Variants in GRID2 observed in about 807,000 individuals in gnomAD.
GRID2 encodes glutamate ionotropic receptor delta type subunit 2.
Under a neutral mutation model 114.8 loss-of-function variants are expected in GRID2, and 33 were observed. That is an observed-to-expected ratio of 0.29 (90% CI 0.22 to 0.38). The LOEUF is 0.38. Ranked by LOEUF, GRID2 falls within the 10% of genes least tolerant of loss-of-function variation. The probability of loss-of-function intolerance (pLI) is 1.00; values close to 1 mark genes in which losing one functional copy is unlikely to be tolerated. For missense variants in GRID2, 1,184 were observed against 1,257.7 expected, an observed-to-expected ratio of 0.94 and a Z score of 0.89; for synonymous variants, 505 against 449.9, an observed-to-expected ratio of 1.12 and a Z score of -1.55.
At chr4:93,647,211 C>T (rs908935947) in intron 14 of GRID2, among the ~76,000 whole-genome samples, 3 of 152,094 alleles carry the variant, frequency 2.0e-5, no homozygotes, top group African/African-American at 7.2e-5. Context: ...AAAAGATAGG[C>T]ACCTTTTTAT....
At chr4:92,788,400 G>A (rs1049645372) in intron 2 of GRID2, among the ~76,000 whole-genome samples, 3 of 151,876 alleles carry the variant, frequency 2.0e-5, no homozygotes, top group African/African-American at 7.2e-5. Flanking sequence ...AAATGGGAAA[G>A]GGGAATATAG....
At chr4:93,331,912 C>T (rs1161696732) in intron 8 of GRID2, among the ~76,000 whole-genome samples, 1 of 152,000 alleles carries the variant, frequency 6.6e-6, no homozygotes, top group African/African-American at 2.4e-5. Context: ...TCTTTTCCCC[C>T]TAGCTATTAG....
intron 2 of GRID2, among the ~76,000 whole-genome samples, chr4:92,848,580 G>A (rs1050796758): frequency 6.6e-6 from 1 of 151,830 alleles, no homozygotes; most frequent in Non-Finnish European, 1.5e-5. Flanking sequence ...GCCTTGGAGT[G>A]GCCTTTGATT....
At chr4:93,473,820 A>C (rs1260602763) in intron 11 of GRID2, among the ~76,000 whole-genome samples, 3 of 152,154 alleles carry the variant, frequency 2.0e-5, no homozygotes, top group Non-Finnish European at 4.4e-5. Flanking sequence ...CAAATATTGT[A>C]AGAGTCTCTT....
At chr4:93,795,712 G>A (rs1156301059) in intron 1 of GRID2, among the ~76,000 whole-genome samples, 3 of 152,050 alleles carry the variant, frequency 2.0e-5, no homozygotes, top group Non-Finnish European at 4.4e-5. Context: ...CCCAAATTAC[G>A]GGATTAATCC....
chr4:92,327,269 T>C (rs1726646263), intron 1 of GRID2, among the ~76,000 whole-genome samples: 1 of 152,012 alleles, frequency 6.6e-6, no homozygotes, highest in Admixed American at 6.6e-5. Flanking sequence ...AGTTTGTCAG[T>C]ATCAAGTAGT....
At chr4:92,394,950 A>T (rs1204169293) in intron 1 of GRID2, among the ~76,000 whole-genome samples, 11 of 151,562 alleles carry the variant, frequency 7.3e-5, no homozygotes, top group Non-Finnish European at 1.5e-5. Context: ...TCAGTTGTTC[A>T]TTCTTAGAGC....
At chr4:92,952,317 A>C (rs886798173) in intron 2 of GRID2, among the ~76,000 whole-genome samples, 1 of 152,196 alleles carries the variant, frequency 6.6e-6, no homozygotes, top group Admixed American at 6.5e-5. Context: ...TTTTTATCAT[A>C]ATATTTCATT....
intron 13 of GRID2, among the ~76,000 whole-genome samples, chr4:93,621,590 AT>A (rs1742220758): frequency 6.6e-6 from 1 of 152,208 alleles, no homozygotes; most frequent in African/African-American, 2.4e-5. Context: ...AGTCAGATGG[AT>A]TGAAAATTTT....
intron 2 of GRID2, among the ~76,000 whole-genome samples, chr4:92,938,793 C>A (rs1457078470): frequency 6.9e-6 from 1 of 144,306 alleles, no homozygotes; most frequent in African/African-American, 2.5e-5. Context: ...CAATTCCCAC[C>A]TATGAGTGAG....
chr4:93,224,616 T>A lies in GRID2; in HGVS notation c.966T>A (p.Ile322=). ...PKDPFAQNME[I]SNLYIYDTVL... ...ATCACTTTCTAATGTCTTTTCAGAT[T>A]TCCAACCTTTACATATATGACACGG... Residue 322 remains isoleucine, a splice_region_variant and synonymous_variant, in exon 7 of 16, where the codon ATT becomes ATA. Transcript: ENST00000282020. The A allele has an allele frequency of 1.2e-6, 2 of 1,603,762 alleles. No individual in the cohort carries two copies.
chr4:92,406,558 C>T lies in GRID2; in HGVS notation c.88+101814C>T, dbSNP rs113181489. 8.7e-3 allele frequency among the ~76,000 whole-genome samples: 1,319 copies of T among 151,986 alleles called. 20 individuals carry two copies. The highest frequency in any genetic ancestry group is 0.03 in the African/African-American group (1,262 of 41,410). The stretch of plus-strand genomic sequence containing the variant: ...TTTCCTTTTTTTAAAAAAATGTCAA[C>T]TTTTATTATAGATTAAGAGATATAC... On this transcript the variant is annotated intron_variant, in intron 1 of 15. Transcript: ENST00000282020.
intron 14 of GRID2, among the ~76,000 whole-genome samples, chr4:93,661,814 A>G (rs1030820422): frequency 9.2e-5 from 14 of 152,316 alleles, no homozygotes; most frequent in Admixed American, 7.8e-4. Flanking sequence ...GCTCTCTTAC[A>G]GTGTCATCAA....
chr4:93,211,830 T>A (rs1743513738), intron 5 of GRID2, among the ~76,000 whole-genome samples: 1 of 152,162 alleles, frequency 6.6e-6, no homozygotes. Flanking sequence ...TTCTGTATTT[T>A]AACCCATAAA....
At chr4:93,295,904 A>G (rs1754260853) in intron 8 of GRID2, among the ~76,000 whole-genome samples, 1 of 152,216 alleles carries the variant, frequency 6.6e-6, no homozygotes, top group African/African-American at 2.4e-5. Flanking sequence ...CATAGCCTTG[A>G]GTATGTTGGA....
At chr4:93,202,210 G>T (rs1053812766) in intron 4 of GRID2, among the ~76,000 whole-genome samples, 2 of 151,990 alleles carry the variant, frequency 1.3e-5, no homozygotes, top group Non-Finnish European at 2.9e-5. Flanking sequence ...TTGGATAGTG[G>T]TTTTTTAAAA....
chr4:92,347,499 A>G (rs573738348), intron 1 of GRID2, among the ~76,000 whole-genome samples: 6 of 152,348 alleles, frequency 3.9e-5, no homozygotes, highest in Admixed American at 2.6e-4. Flanking sequence ...GTAATGAATA[A>G]TACTTGGCTT....
intron 1 of GRID2, among the ~76,000 whole-genome samples, chr4:92,335,480 A>C (rs959981985): frequency 6.6e-6 from 1 of 152,164 alleles, no homozygotes; most frequent in African/African-American, 2.4e-5. Flanking sequence ...TTTTTCTTTC[A>C]GTCTGACTTT....
At chr4:93,086,607 C>T (rs1730345720) in intron 3 of GRID2, among the ~76,000 whole-genome samples, 1 of 152,184 alleles carries the variant, frequency 6.6e-6, no homozygotes, top group South Asian at 2.1e-4. Context: ...TCTGGAAACA[C>T]ACTCCTTTGT....
Sources: gnomAD v4.1 joint callset for allele counts (sites outside exome capture counted in the v4.1 genomes callset) on GRCh38, gnomAD v4.1.1 for gene constraint, MANE v1.5 for transcripts, NCBI Gene and HGNC (gene_info 2026-07-23, HGNC 2026-07-21) for gene names.